ADGRG7: variants seen among roughly 807,000 people sequenced by gnomAD.
The protein encoded by ADGRG7 is adhesion G protein-coupled receptor G7.
ADGRG7 carries 82 observed loss-of-function variants against 88.6 expected under a neutral mutation model. That is an observed-to-expected ratio of 0.93 (90% CI 0.77 to 1.11). The LOEUF (loss-of-function observed/expected upper bound fraction) is 1.11. Ranked by LOEUF, ADGRG7 falls within the 50% of genes most tolerant of loss-of-function variation. The probability of loss-of-function intolerance (pLI) is 0.00; values close to 1 mark genes in which losing one functional copy is unlikely to be tolerated. For missense variants in ADGRG7, 945 were observed against 953.4 expected (o/e 0.99, Z 0.12); for synonymous variants, 381 against 345.2 (o/e 1.10, Z -1.15).
chr3:100,665,273 A>G, intron 14 of ADGRG7: 1 of 540,694 alleles, frequency 1.8e-6, no homozygotes, highest in African/African-American at 1.9e-5. Flanking sequence ...AACTATACAC[A>G]ATGAAACGAG....
At chr3:100,668,785 A>G (rs80024619) in intron 14 of ADGRG7, among the ~76,000 whole-genome samples, 164 bp from the exon 15 acceptor site, 3,059 of 152,284 alleles carry the variant, frequency 0.02, 103 homozygotes, top group African/African-American at 0.07. Flanking sequence ...TTTTCTCCAG[A>G]GTGATGTAAG....
intron 6 of ADGRG7, among the ~76,000 whole-genome samples, chr3:100,640,076 A>G (rs1177149545): frequency 1.3e-5 from 2 of 152,160 alleles, no homozygotes; most frequent in Admixed American, 1.3e-4. Context: ...ACTTAGATAA[A>G]GCTTCCTCCT....
intron 15 of ADGRG7, among the ~76,000 whole-genome samples, chr3:100,673,496 C>T (rs1363521981): frequency 2.8e-5 from 4 of 145,414 alleles, no homozygotes; most frequent in African/African-American, 7.7e-5. Flanking sequence ...GAGTCTCGGT[C>T]TGTCATGCAG....
intron 15 of ADGRG7, among the ~76,000 whole-genome samples, chr3:100,693,277 A>G (rs1163783764): frequency 6.6e-6 from 1 of 152,190 alleles, no homozygotes; most frequent in Non-Finnish European, 1.5e-5. Flanking sequence ...TGTATGCCAC[A>G]AAAAAGATGG....
chr3:100,673,080 G>C (rs1427513902), intron 15 of ADGRG7, among the ~76,000 whole-genome samples: 1 of 152,152 alleles, frequency 6.6e-6, no homozygotes, highest in East Asian at 1.9e-4. Context: ...CTCCTAAAAT[G>C]AGTTACGGAG....
intron 15 of ADGRG7, among the ~76,000 whole-genome samples, chr3:100,684,717 A>C (rs937614751): frequency 6.6e-6 from 1 of 152,064 alleles, no homozygotes; most frequent in Non-Finnish European, 1.5e-5. Flanking sequence ...TGTGTTATAT[A>C]AATTATGTTT....
At chr3:100,629,499 A>T in intron 1 of ADGRG7, 99 bp from the exon 2 acceptor site, 1 of 711,954 alleles carries the variant, frequency 1.4e-6, no homozygotes, top group Non-Finnish European at 2.5e-6. Context: ...ATGATACTCA[A>T]AGCAGTGGTT....
At chr3:100,683,441 G>A (rs1395432366) in intron 15 of ADGRG7, among the ~76,000 whole-genome samples, 2 of 152,212 alleles carry the variant, frequency 1.3e-5, no homozygotes, top group Admixed American at 1.3e-4. Context: ...CCGGTTCCCT[G>A]GTGTTAGCCA....
At chr3:100,632,718 T>C (rs1301899462) in intron 3 of ADGRG7, among the ~76,000 whole-genome samples, 1 of 152,206 alleles carries the variant, frequency 6.6e-6, no homozygotes, top group Non-Finnish European at 1.5e-5. Flanking sequence ...TTTGGTCAGC[T>C]GTCCCTCTAA....
At chr3:100,687,194 T>C (rs2094984267) in intron 15 of ADGRG7, among the ~76,000 whole-genome samples, 1 of 152,242 alleles carries the variant, frequency 6.6e-6, no homozygotes, top group African/African-American at 2.4e-5. Flanking sequence ...TAATGGTGTA[T>C]AAGAATGCTT....
At chr3:100,660,363 G>A (rs2094943564) in intron 14 of ADGRG7, among the ~76,000 whole-genome samples, 1 of 152,110 alleles carries the variant, frequency 6.6e-6, no homozygotes, top group Non-Finnish European at 1.5e-5. Flanking sequence ...GGAGTGCAGT[G>A]GCACGATCAC....
chr3:100,676,987 G>T (rs554198880), intron 15 of ADGRG7, among the ~76,000 whole-genome samples: 1 of 152,030 alleles, frequency 6.6e-6, no homozygotes, highest in Admixed American at 6.6e-5. Context: ...TGTCTTTATA[G>T]GTGGTTTGCT....
chr3:100,611,295 CCTTCCTTT>C (rs199640030), intron 1 of ADGRG7, among the ~76,000 whole-genome samples: 8,192 of 112,138 alleles, frequency 0.073, 524 homozygotes, highest in East Asian at 0.27. Context: ...TTCCTTCCTT[CCTTCCTTT>C]CTTCTTTCCT....
intron 14 of ADGRG7, among the ~76,000 whole-genome samples, chr3:100,661,949 C>T (rs540382344): frequency 6.6e-6 from 1 of 152,252 alleles, no homozygotes; most frequent in East Asian, 1.9e-4. Context: ...CCAGTATTAT[C>T]AGTTTATTGA....
At chr3:100,635,486 T>C in intron 4 of ADGRG7, 191 bp from the exon 5 acceptor site, 1 of 1,297,802 alleles carries the variant, frequency 7.7e-7, no homozygotes, top group South Asian at 1.9e-5. Flanking sequence ...CAGGAAAGGC[T>C]GGCAAAACCA....
intron 11 of ADGRG7, among the ~76,000 whole-genome samples, chr3:100,652,187 T>C (rs181592091): frequency 6.6e-6 from 1 of 152,210 alleles, no homozygotes; most frequent in Non-Finnish European, 1.5e-5. Flanking sequence ...AACCTCTCAA[T>C]AGATTTAATG....
At chr3:100,678,560 G>GCTTGTTTGTACCTGTT (rs1311267167) in intron 15 of ADGRG7, among the ~76,000 whole-genome samples, 5 of 152,212 alleles carry the variant, frequency 3.3e-5, no homozygotes, top group Non-Finnish European at 7.4e-5. Context: ...TACTGTCTAG[G>GCTTGTTTGTACCTGTT]CTTGTTTGTA....
chr3:100,634,400 A>G (rs1461133052), intron 4 of ADGRG7, among the ~76,000 whole-genome samples: 1 of 152,250 alleles, frequency 6.6e-6, no homozygotes, highest in Admixed American at 6.5e-5. Context: ...TGTGCCAAAT[A>G]TTAATGTATT....
At chr3:100,689,299 A>T (rs2094988920) in intron 15 of ADGRG7, among the ~76,000 whole-genome samples, 1 of 152,186 alleles carries the variant, frequency 6.6e-6, no homozygotes, top group Non-Finnish European at 1.5e-5. Context: ...TTTCCTGAAT[A>T]CAGCACACTG....
Sources: allele counts gnomAD v4.1 joint callset (sites outside exome capture counted in the v4.1 genomes callset), GRCh38; gene constraint gnomAD v4.1.1; transcripts MANE v1.5; gene names NCBI Gene and HGNC (gene_info 2026-07-23, HGNC 2026-07-21).